Variants in MCTP1 observed in about 807,000 individuals in gnomAD.
MCTP1 encodes multiple C2 and transmembrane domain containing 1.
A neutral mutation model predicts 120.6 loss-of-function variants in MCTP1; 69 were observed. The ratio of observed to expected loss-of-function variants is 0.57; its 90% CI spans 0.47 to 0.70. The LOEUF (loss-of-function observed/expected upper bound fraction) is 0.70. MCTP1 is among the 30% of genes least tolerant of loss of function. The probability of loss-of-function intolerance (pLI) is 0.00; values close to 1 mark genes in which losing one functional copy is unlikely to be tolerated. For synonymous variants in MCTP1, 529 were observed against 493.1 expected, an observed-to-expected ratio of 1.07 and a Z score of -0.96; for missense variants, 1,203 against 1,248.8, an observed-to-expected ratio of 0.96 and a Z score of 0.55.
At chr5:94,767,533 C>T (rs577032199) in intron 19 of MCTP1, among the ~76,000 whole-genome samples, 8 of 152,088 alleles carry the variant, frequency 5.3e-5, no homozygotes, top group Non-Finnish European at 1.2e-4. Flanking sequence ...CACAAAAAAA[C>T]CTCTTAGAAC....
chr5:95,103,880 C>T (rs911217941), intron 1 of MCTP1, among the ~76,000 whole-genome samples: 4 of 151,994 alleles, frequency 2.6e-5, no homozygotes, highest in East Asian at 1.9e-4. Context: ...TTGTGGGAGA[C>T]GGGGAGAAGC....
At chr5:94,974,532 G>C (rs1338673763) in intron 2 of MCTP1, among the ~76,000 whole-genome samples, 2 of 152,050 alleles carry the variant, frequency 1.3e-5, no homozygotes, top group Non-Finnish European at 2.9e-5. Context: ...CTGGGCAACA[G>C]AGCAAGACCC....
intron 17 of MCTP1, among the ~76,000 whole-genome samples, chr5:94,838,701 T>G (rs2153190767): frequency 6.6e-6 from 1 of 152,350 alleles, no homozygotes; most frequent in East Asian, 1.9e-4. Flanking sequence ...ACATAGGAAG[T>G]GCTCCATAGA....
At chr5:95,011,686 G>A (rs1835992301) in intron 2 of MCTP1, among the ~76,000 whole-genome samples, 1 of 152,072 alleles carries the variant, frequency 6.6e-6, no homozygotes, top group Admixed American at 6.6e-5. Context: ...AGTTTCCTGA[G>A]GCCTTCTAGT....
chr5:95,283,833 C>T, intron 1 of MCTP1, 23 bp downstream of exon 1: 8 of 1,188,546 alleles, frequency 6.7e-6, no homozygotes, highest in Non-Finnish European at 8.1e-6. Flanking sequence ...CACCTTGTCT[C>T]CGGCCGCGCC....
At chr5:94,962,030 A>G (rs1345545883) in intron 2 of MCTP1, among the ~76,000 whole-genome samples, 1 of 152,134 alleles carries the variant, frequency 6.6e-6, no homozygotes, top group Non-Finnish European at 1.5e-5. Context: ...TTACCAACAA[A>G]CACATGAAAA....
At chr5:95,242,384 C>T (rs1477488149) in intron 1 of MCTP1, among the ~76,000 whole-genome samples, 1 of 151,792 alleles carries the variant, frequency 6.6e-6, no homozygotes, top group Non-Finnish European at 1.5e-5. Context: ...GAACAAGAGC[C>T]CTCAAATACA....
intron 19 of MCTP1, among the ~76,000 whole-genome samples, chr5:94,746,760 G>A (rs1766993772): frequency 1.3e-5 from 2 of 152,274 alleles, no homozygotes; most frequent in South Asian, 4.1e-4. Context: ...GAAAACTTCA[G>A]TGGATCTCAA....
At chr5:94,899,956 A>T (rs1252485371) in intron 10 of MCTP1, among the ~76,000 whole-genome samples, 1 of 152,196 alleles carries the variant, frequency 6.6e-6, no homozygotes, top group African/African-American at 2.4e-5. Context: ...GCTTAAGGCA[A>T]AAACCATTGC....
intron 17 of MCTP1, among the ~76,000 whole-genome samples, chr5:94,833,606 T>C (rs1158183439): frequency 6.6e-6 from 1 of 152,216 alleles, no homozygotes; most frequent in East Asian, 1.9e-4. Flanking sequence ...GGCATACTAA[T>C]ATATGCATGT....
At chr5:94,919,561 T>C (rs1340087804) in intron 7 of MCTP1, among the ~76,000 whole-genome samples, 8 of 152,196 alleles carry the variant, frequency 5.3e-5, no homozygotes, top group African/African-American at 1.4e-4. Flanking sequence ...ACATTGCTTA[T>C]GTGTTTACAA....
intron 1 of MCTP1, among the ~76,000 whole-genome samples, chr5:95,088,211 C>T (rs1755578990): frequency 6.6e-6 from 1 of 152,190 alleles, no homozygotes; most frequent in African/African-American, 2.4e-5. Context: ...GTGGGAAAAT[C>T]CCTAACACAA....
intron 17 of MCTP1, chr5:94,868,066 T>C (rs1797148099): frequency 3.8e-6 from 1 of 263,872 alleles, no homozygotes; most frequent in East Asian, 7.1e-5. Context: ...ATATGTAAAA[T>C]TTTACTTTTT....
intron 1 of MCTP1, among the ~76,000 whole-genome samples, chr5:95,053,758 G>A (rs1261042219): frequency 2.6e-5 from 4 of 152,154 alleles, no homozygotes; most frequent in Non-Finnish European, 4.4e-5. Flanking sequence ...TAAAAGTGAC[G>A]TTGTGGCCAA....
intron 1 of MCTP1, among the ~76,000 whole-genome samples, chr5:95,085,428 ATCT>A (rs1325595892): frequency 4.1e-4 from 52 of 126,332 alleles, no homozygotes; most frequent in African/African-American, 1.3e-3. Flanking sequence ...GCTTAGCATT[ATCT>A]TCTTAAGATT....
intron 17 of MCTP1, among the ~76,000 whole-genome samples, chr5:94,835,644 C>T (rs549913920): frequency 1.6e-4 from 25 of 152,298 alleles, no homozygotes; most frequent in Non-Finnish European, 2.9e-4. Context: ...CTTCTCATAT[C>T]CACATCTTCC....
intron 1 of MCTP1, among the ~76,000 whole-genome samples, chr5:95,126,783 T>C (rs932785545): frequency 6.6e-6 from 1 of 151,836 alleles, no homozygotes; most frequent in Non-Finnish European, 1.5e-5. Context: ...CTAAGAAGGC[T>C]TTTTTTTCAA....
chr5:95,186,104 A>G (rs1487753471), intron 1 of MCTP1, among the ~76,000 whole-genome samples: 1 of 152,152 alleles, frequency 6.6e-6, no homozygotes, highest in African/African-American at 2.4e-5. Flanking sequence ...CTCAAAATAA[A>G]TACATAAATA....
intron 2 of MCTP1, among the ~76,000 whole-genome samples, chr5:94,971,488 T>G (rs1275638674): frequency 6.6e-6 from 1 of 152,144 alleles, no homozygotes; most frequent in East Asian, 1.9e-4. Flanking sequence ...TGTTTTAATT[T>G]CTGAATTCCC....
Sources: allele counts gnomAD v4.1 joint callset (sites outside exome capture counted in the v4.1 genomes callset), GRCh38; gene constraint gnomAD v4.1.1; transcripts MANE v1.5; gene names NCBI Gene and HGNC (gene_info 2026-07-23, HGNC 2026-07-21).